Variants in ZCCHC8 observed in about 807,000 individuals in gnomAD.
ZCCHC8 encodes zinc finger CCHC-type containing 8, also known as zinc finger CCHC domain-containing protein 8.
In ZCCHC8, 27 loss-of-function variants were observed where a neutral mutation model predicts 70.6. The ratio of observed to expected loss-of-function variants is 0.38; its 90% CI spans 0.28 to 0.53. ZCCHC8 has a LOEUF of 0.53. ZCCHC8 is among the 20% of genes least tolerant of loss of function. The pLI is 0.81. For missense variants in ZCCHC8, 737 were observed against 876.9 expected, an observed-to-expected ratio of 0.84 and a Z score of 2.01; for synonymous variants, 293 against 317.4, an observed-to-expected ratio of 0.92 and a Z score of 0.82.
chr12:122,479,396 A>G (rs1253072612), intron 11 of ZCCHC8, among the ~76,000 whole-genome samples: 1 of 152,194 alleles, frequency 6.6e-6, no homozygotes. Context: ...TTTTTAAATA[A>G]AACAGTACAA....
At chr12:122,498,288 C>T (rs1037501424) in intron 2 of ZCCHC8, among the ~76,000 whole-genome samples, 5 of 151,778 alleles carry the variant, frequency 3.3e-5, no homozygotes, top group Non-Finnish European at 7.4e-5. Flanking sequence ...GCGCCCACCA[C>T]GTCCAGCTTA....
At position 122,473,397 on chromosome 12, in the gene ZCCHC8, A is replaced by G. The variant is rs1199371533; in HGVS notation, c.*100T>C. The G allele has an allele frequency of 7.7e-7, 1 of 1,292,100 alleles. No homozygotes were observed. Among genetic ancestry groups the G allele is most frequent in the African/African-American group, 1.5e-5 (1 of 66,734 alleles). 80.0% of individuals were successfully genotyped at this position (1,292,100 alleles called of 1,614,324 possible). ...ATGAACCTTGGATAGATTTTTAAACATGGGAGGGACAAACAGGAAAACCAT... is the reference window on the plus strand; with the variant it reads ...ATGAACCTTGGATAGATTTTTAAACGTGGGAGGGACAAACAGGAAAACCAT... On this transcript the variant is annotated 3_prime_UTR_variant, in exon 14 of 14. Coordinates refer to ENST00000633063, the MANE Select transcript of ZCCHC8 (RefSeq NM_017612.5).
rs1456895843 is a variant in ZCCHC8 at position 122,478,206 on chromosome 12, C to T, written c.1227G>A (p.Ala409=). 5 of 1,588,926 alleles carry T rather than the reference C, an allele frequency of 3.1e-6. No individual in the cohort carries two copies. The highest frequency in any genetic ancestry group is 3.4e-6 in the Non-Finnish European group (4 of 1,166,030). Reference sequence around the variant, plus strand: ...GAGCACACCCTTAAAATCTATTTACCGCTTGGAAGTTAGAAGTAAGGTAAT... The same window carrying T: ...GAGCACACCCTTAAAATCTATTTACTGCTTGGAAGTTAGAAGTAAGGTAAT... The part of the protein sequence containing the change: ...FANYLTSNFQ[A]PGVKSGNKRS... Residue 409 remains alanine (A), a splice_region_variant and synonymous_variant, in exon 12 of 14, where the codon GCG becomes GCA. Transcript: ENST00000633063.
At chr12:122,497,823 A>G (rs1957849013) in intron 2 of ZCCHC8, among the ~76,000 whole-genome samples, 1 of 151,654 alleles carries the variant, frequency 6.6e-6, no homozygotes, top group Non-Finnish European at 1.5e-5. Context: ...AGCTTGAGTA[A>G]CACAGCAAGA....
intron 13 of ZCCHC8, among the ~76,000 whole-genome samples, chr12:122,476,343 G>A (rs991816191): frequency 6.6e-6 from 1 of 151,244 alleles, no homozygotes; most frequent in African/African-American, 2.4e-5. Flanking sequence ...GCTCATGCCA[G>A]TAACATTGGG....
intron 3 of ZCCHC8, among the ~76,000 whole-genome samples, chr12:122,491,865 C>G (rs1004447479): frequency 1.3e-5 from 2 of 151,442 alleles, no homozygotes; most frequent in Admixed American, 6.6e-5. Flanking sequence ...AGGTGAAACA[C>G]TAGGTGAATG....
chr12:122,481,352 T>C, intron 10 of ZCCHC8, 170 bp downstream of exon 10: 1 of 884,148 alleles, frequency 1.1e-6, no homozygotes, highest in Non-Finnish European at 1.6e-6. Flanking sequence ...ACAAACTCAC[T>C]GAAATTTTAT....
chr12:122,499,051 T>C, intron 1 of ZCCHC8, 182 bp from the exon 2 acceptor site: 1 of 621,642 alleles, frequency 1.6e-6, no homozygotes, highest in Non-Finnish European at 2.8e-6. Context: ...AAACCCAAAA[T>C]TAAAGTACGG....
chr12:122,483,884 C>T lies in ZCCHC8; in HGVS notation c.502-321G>A. On this transcript the variant is annotated intron_variant, in intron 5 of 13. Transcript: ENST00000633063. The surrounding 1 kb of genome is among the most constrained non-coding windows in gnomAD (Gnocchi z 4.4). ...CATTTCATTGCTTCTCTTTGCAAGA[C>T]ATGCAGACCCTTTAGTTATTGTTTC... is the stretch of plus-strand genomic sequence containing the variant. 1 of 233,686 alleles carries T rather than the reference C, an allele frequency of 4.3e-6. No homozygotes were observed. Among genetic ancestry groups the T allele is most frequent in the Non-Finnish European group, 8.3e-6 (1 of 120,580 alleles). 14.5% of individuals were successfully genotyped at this position (233,686 alleles called of 1,614,324 possible). A position where few individuals can be genotyped will look rare whatever the true frequency, so the allele number is the denominator to read the frequency against.
intron 5 of ZCCHC8, 143 bp downstream of exon 5, chr12:122,489,243 C>G: frequency 1.5e-6 from 1 of 668,478 alleles, no homozygotes. Context: ...AGGCTAAAGT[C>G]CAAACTGCTA....
Position 122,481,450 on chromosome 12 carries a change from TTTG to T in ZCCHC8, c.1018+69_1018+71del, listed in dbSNP as rs1247403833. The stretch of plus-strand genomic sequence containing the variant: ...AAGAAGCCGGCCATTCCTATCACAT[TTTG>T]TTGTGATTCTTTAATTAAAAAAAAA... On this transcript the variant is annotated intron_variant, in intron 10 of 13. Transcript: ENST00000633063. The T allele has an allele frequency of 8.2e-6, 12 of 1,469,434 alleles. No individual in the cohort carries two copies. The African/African-American group carries it at 1.8e-4, about 22-fold the overall frequency. 91.0% of individuals were successfully genotyped at this position (1,469,434 alleles called of 1,614,324 possible).
In ZCCHC8 at chr12:122,483,092, A is replaced by G; in HGVS notation, c.671+187T>C. The G allele has an allele frequency of 1.6e-6, 1 of 627,812 alleles. No homozygotes were observed. The highest frequency in any genetic ancestry group is 2.2e-5 in the South Asian group (1 of 45,578). The allele number at this position is 627,812 out of a possible 1,614,324, so 38.9% of individuals were successfully genotyped here. On this transcript the variant is annotated intron_variant, in intron 7 of 13. Coordinates refer to ENST00000633063, the MANE Select transcript of ZCCHC8 (RefSeq NM_017612.5). This position sits in a 1 kb window ranked among gnomAD's most constrained non-coding sequence, Gnocchi z 4.4. ...CACCCAGGCACATTAGGTGAGAACC[A>G]ATGAATTCCAGGAAGCAGATGATTC...
chr12:122,498,926 A>G, intron 1 of ZCCHC8, 57 bp from the exon 2 acceptor site: 1 of 1,452,902 alleles, frequency 6.9e-7, no homozygotes, highest in Non-Finnish European at 9.6e-7. Flanking sequence ...CATAAAATTC[A>G]ACTACTACTT....
At chr12:122,478,528 A>G in intron 11 of ZCCHC8, 1 of 437,660 alleles carries the variant, frequency 2.3e-6, no homozygotes, top group Admixed American at 3.8e-5. Flanking sequence ...TGGCCAAAAA[A>G]GGTTCTACAT....
In ZCCHC8 at chr12:122,483,307, C is replaced by G. The variant is rs368028567; in HGVS notation, c.643G>C (p.Gly215Arg). 1 of 1,600,350 alleles carries G rather than the reference C, an allele frequency of 6.2e-7. No individual in the cohort carries two copies. The highest frequency in any genetic ancestry group is 1.3e-5 in the African/African-American group (1 of 74,722). Reference sequence around the variant, plus strand: ...TTTGCCTTTACTTGTATTTCTTGCCCTTCTAGAGAAACAATGTGGCTGAAG... The same window carrying G: ...TTTGCCTTTACTTGTATTTCTTGCCGTTCTAGAGAAACAATGTGGCTGAAG... The part of the protein sequence containing the change: ...QVFSHIVSLE[G>R]QEIQVKAKRP... The change falls in exon 7 of 14, where the codon GGG becomes CGG. Residue 215 changes from glycine (G) to arginine (R), a missense_variant. Transcript: ENST00000633063. This position sits in a 1 kb window ranked among gnomAD's most constrained non-coding sequence, Gnocchi z 4.4.
chr12:122,477,446 G>A (rs144750825), intron 13 of ZCCHC8, among the ~76,000 whole-genome samples: 4,296 of 141,806 alleles, frequency 0.03, 219 homozygotes, highest in African/African-American at 0.1. Context: ...GAGCCACCGC[G>A]CCCGGCTTAA....
chr12:122,483,725 A>C lies in ZCCHC8; in HGVS notation c.502-162T>G. 1.6e-6 allele frequency: 1 copy of C among 631,130 alleles called. No individual in the cohort carries two copies. Among genetic ancestry groups the C allele is most frequent in the Non-Finnish European group, 2.7e-6 (1 of 369,294 alleles). The allele number at this position is 631,130 out of a possible 1,614,324, so 39.1% of individuals were successfully genotyped here. ...GAGCCAGACTTTGATGTGTAAGTAG[A>C]AACTACATCGTCAGTTCCCTCTCTC... On this transcript the variant is annotated intron_variant, in intron 5 of 13. Coordinates refer to ENST00000633063, the MANE Select transcript of ZCCHC8 (RefSeq NM_017612.5). This position sits in a 1 kb window ranked among gnomAD's most constrained non-coding sequence, Gnocchi z 4.4.
At chr12:122,480,137 T>C in intron 11 of ZCCHC8, 53 bp downstream of exon 11, 1 of 1,472,834 alleles carries the variant, frequency 6.8e-7, no homozygotes, top group South Asian at 1.2e-5. Flanking sequence ...TGACCAATCT[T>C]TAACATAATA....
chr12:122,497,210 C>T (rs1459767862), intron 2 of ZCCHC8, among the ~76,000 whole-genome samples: 1 of 152,130 alleles, frequency 6.6e-6, no homozygotes, highest in Non-Finnish European at 1.5e-5. Context: ...GTAGTCACCA[C>T]TGCAGCCAGT....
Sources: allele counts gnomAD v4.1 joint callset (sites outside exome capture counted in the v4.1 genomes callset), GRCh38; gene constraint gnomAD v4.1.1; non-coding constraint Gnocchi (gnomAD v3.1); transcripts MANE v1.5; gene names NCBI Gene and HGNC (gene_info 2026-07-23, HGNC 2026-07-21).